KTN1: variants seen among roughly 807,000 people sequenced by gnomAD.
The protein encoded by KTN1 is kinectin 1.
Under a neutral mutation model 222.5 loss-of-function variants are expected in KTN1, and 130 were observed. The observed-to-expected ratio is 0.58, with a 90% CI of 0.51 to 0.68. The LOEUF (loss-of-function observed/expected upper bound fraction) is 0.68. Ranked by LOEUF, KTN1 falls within the 30% of genes least tolerant of loss-of-function variation. KTN1 has a pLI of 0.00. For missense variants in KTN1, 1,508 were observed against 1,500.4 expected (o/e 1.01, Z -0.08); for synonymous variants, 512 against 496.3 (o/e 1.03, Z -0.42).
chr14:55,654,537 C>A (rs1378353857), intron 28 of KTN1, among the ~76,000 whole-genome samples: 2 of 122,318 alleles, frequency 1.6e-5, no homozygotes, highest in South Asian at 2.7e-4. Context: ...TTCTGCCTTA[C>A]ATTTTTTTTT....
chr14:55,601,489 A>G (rs2035959326), intron 1 of KTN1, among the ~76,000 whole-genome samples: 1 of 152,158 alleles, frequency 6.6e-6, no homozygotes, highest in South Asian at 2.1e-4. Context: ...CTCCGGGGCC[A>G]TTATACTTTT....
At chr14:55,634,818 T>G (rs1288206716) in intron 9 of KTN1, among the ~76,000 whole-genome samples, 160 bp downstream of exon 9, 1 of 152,030 alleles carries the variant, frequency 6.6e-6, no homozygotes, top group Admixed American at 6.5e-5. Flanking sequence ...CTCAGGAAAC[T>G]TACAATCATG....
intron 18 of KTN1, among the ~76,000 whole-genome samples, chr14:55,643,918 T>G (rs567345571): frequency 1.3e-5 from 2 of 152,322 alleles, no homozygotes; most frequent in East Asian, 1.9e-4. Flanking sequence ...GCTTTTGTTA[T>G]GAAGAATAAT....
intron 4 of KTN1, among the ~76,000 whole-genome samples, chr14:55,618,894 A>G (rs1296957887): frequency 2.0e-5 from 3 of 152,046 alleles, no homozygotes; most frequent in Non-Finnish European, 4.4e-5. Context: ...ATATTAGCAC[A>G]TACTAGACAC....
chr14:55,682,020 T>C (rs2046416279), intron 43 of KTN1: 1 of 152,190 alleles, frequency 6.6e-6, no homozygotes, highest in Non-Finnish European at 1.5e-5. Context: ...ATATATCTAA[T>C]GTCAAGAAAC....
In KTN1 at chr14:55,673,243, A is replaced by G; in HGVS notation, c.3759A>G (p.Glu1253=). The G allele has an allele frequency of 6.2e-7, 1 of 1,610,672 alleles. No individual in the cohort carries two copies. Among genetic ancestry groups the G allele is most frequent in the Non-Finnish European group, 8.5e-7 (1 of 1,177,302 alleles). The change falls in exon 40 of 44, where the codon GAA becomes GAG. Residue 1253 remains glutamate, a synonymous_variant. Coordinates refer to ENST00000395314, the MANE Select transcript of KTN1 (RefSeq NM_001079521.2). The part of the protein sequence containing the change: ...DSYSEAVRQN[E]ELNLLKAQLN... ...ATTCTGAAGCAGTAAGACAGAATGA[A>G]GAGCTAAATTTGGTAAGAAGCTTGT...
chr14:55,614,697 T>A (rs1566714226), intron 2 of KTN1, among the ~76,000 whole-genome samples: 1 of 152,230 alleles, frequency 6.6e-6, no homozygotes, highest in Non-Finnish European at 1.5e-5. Flanking sequence ...TCATAATATG[T>A]TTATGACTGG....
intron 29 of KTN1, among the ~76,000 whole-genome samples, chr14:55,657,323 A>G (rs1336511031): frequency 1.3e-5 from 2 of 149,550 alleles, no homozygotes; most frequent in Admixed American, 1.3e-4. Context: ...GAAGTTAAGC[A>G]TTTTTCGTAT....
In KTN1 at chr14:55,667,341, T is replaced by C; in HGVS notation, c.3267+11T>C. ...GTCCCTTCTAATTTGGTAAGACTAA[T>C]TTATTATTTTTTTAACATGATGACA... On this transcript the variant is annotated intron_variant, in intron 34 of 43. Coordinates refer to ENST00000395314, the MANE Select transcript of KTN1 (RefSeq NM_001079521.2). 1.4e-6 allele frequency: 2 copies of C among 1,438,702 alleles called. No homozygotes were observed. Among genetic ancestry groups the C allele is most frequent in the Non-Finnish European group, 1.9e-6 (2 of 1,037,030 alleles). 89.1% of individuals were successfully genotyped at this position (1,438,702 alleles called of 1,614,324 possible). A position where few individuals can be genotyped will look rare whatever the true frequency, so the allele number is the denominator to read the frequency against.
In KTN1 at chr14:55,644,416, T is replaced by C. The variant is rs537481647; in HGVS notation, c.2173-2557T>C. Reference sequence around the variant, plus strand: ...TGCCAAGTTGTTGTTTCTTCAGGTGTAGGAAGCAGAAAGACAACAGGTACC... The same window carrying C: ...TGCCAAGTTGTTGTTTCTTCAGGTGCAGGAAGCAGAAAGACAACAGGTACC... On this transcript the variant is annotated intron_variant, in intron 18 of 43. Coordinates refer to ENST00000395314, the MANE Select transcript of KTN1 (RefSeq NM_001079521.2). 8.5e-6 allele frequency: 6 copies of C among 702,494 alleles called. No homozygotes were observed. The African/African-American group carries it at 1.0e-4, about 12-fold the overall frequency. The allele number at this position is 702,494 out of a possible 1,614,324, so 43.5% of individuals were successfully genotyped here. A position where few individuals can be genotyped will look rare whatever the true frequency, so the allele number is the denominator to read the frequency against.
chr14:55,682,223 T>G (rs1456457134), intron 43 of KTN1: 1 of 152,148 alleles, frequency 6.6e-6, no homozygotes, highest in Non-Finnish European at 1.5e-5. Context: ...ATATCTTTAA[T>G]TTGTGAAAAC....
At chr14:55,659,826 T>A in intron 31 of KTN1, 123 bp downstream of exon 31, 1 of 611,584 alleles carries the variant, frequency 1.6e-6, no homozygotes, top group East Asian at 2.8e-5. Flanking sequence ...TCTATTTGGA[T>A]ATCTTGAATT....
intron 1 of KTN1, among the ~76,000 whole-genome samples, chr14:55,611,410 T>C (rs1166783236): frequency 1.3e-5 from 2 of 152,108 alleles, no homozygotes; most frequent in Admixed American, 1.3e-4. Flanking sequence ...CTGTAATTTA[T>C]TTTAATGCAA....
intron 28 of KTN1, 111 bp from the exon 29 acceptor site, chr14:55,655,931 A>G: frequency 1.8e-6 from 1 of 558,072 alleles, no homozygotes; most frequent in Non-Finnish European, 3.2e-6. Flanking sequence ...ATGGGGGAAA[A>G]AAAGCTGGTA....
intron 9 of KTN1, among the ~76,000 whole-genome samples, chr14:55,635,664 T>G (rs145626134): frequency 6.6e-6 from 1 of 152,194 alleles, no homozygotes; most frequent in East Asian, 1.9e-4. Context: ...ATATGTACAT[T>G]GAATAGAATG....
intron 33 of KTN1, among the ~76,000 whole-genome samples, chr14:55,664,993 T>A (rs77810962): frequency 1.4e-5 from 1 of 69,016 alleles, no homozygotes; most frequent in African/African-American, 6.6e-5. Context: ...GTTCTGTAAA[T>A]TTTTTTTTTT....
At chr14:55,639,089 T>C (rs181928483) in intron 12 of KTN1, 96 bp from the exon 13 acceptor site, 8 of 789,162 alleles carry the variant, frequency 1.0e-5, no homozygotes, top group Admixed American at 4.1e-5. Context: ...TTTATATACA[T>C]TAACTTCTCT....
At chr14:55,625,303 TA>T (rs2039668920) in intron 5 of KTN1, among the ~76,000 whole-genome samples, 1 of 152,232 alleles carries the variant, frequency 6.6e-6, no homozygotes, top group South Asian at 2.1e-4. Context: ...TTGTAATTAT[TA>T]GTAAGAAAAT....
chr14:55,612,461 T>A lies in KTN1; in HGVS notation c.413T>A (p.Ile138Asn). The change falls in exon 2 of 44, where the codon ATT becomes AAT. Residue 138 changes from isoleucine to asparagine, a missense_variant. Physicochemically the swap from Ile to Asn is moderately radical, Grantham distance 149. Transcript: ENST00000395314. ...ATCAAAGAAAGTGACGCATCAAAGA[T>A]TCCTGGCAAAAAAGTAGAACCTGTC... Reference protein sequence around the residue: ...QVIKESDASKIPGKKVEPVPV... With the variant: ...QVIKESDASKNPGKKVEPVPV... The A allele has an allele frequency of 6.2e-7, 1 of 1,614,086 alleles. No individual in the cohort carries two copies. Among genetic ancestry groups the A allele is most frequent in the Non-Finnish European group, 8.5e-7 (1 of 1,179,982 alleles).
Sources: gnomAD v4.1 joint callset for allele counts (sites outside exome capture counted in the v4.1 genomes callset) on GRCh38, gnomAD v4.1.1 for gene constraint, MANE v1.5 for transcripts, NCBI Gene and HGNC (gene_info 2026-07-23, HGNC 2026-07-21) for gene names.